The following GK variants were observed in gnomAD, a reference collection of about 807,000 sequenced individuals.
GK encodes glycerol kinase.
A neutral mutation model predicts 56.4 loss-of-function variants in GK; 9 were observed. The observed-to-expected ratio is 0.16, with a 90% CI of 0.10 to 0.28. The LOEUF is 0.28. Among genes scored for constraint, GK ranks in the 10% least tolerant of loss-of-function variants. GK has a pLI of 1.00. For missense variants in GK, 161 were observed against 431.4 expected (o/e 0.37, Z 5.55); for synonymous variants, 104 against 144.1 (o/e 0.72, Z 1.99).
At chrX:30,720,554 G>T (rs763495989) in intron 16 of GK, 67 bp from the exon 17 acceptor site, 1 of 1,003,591 alleles carries the variant, frequency 1.0e-6, no homozygotes, top group South Asian at 1.9e-5. Context: ...CTGAGTGGAG[G>T]ATTGCCATTT....
At position 30,697,742 on chromosome X, in the gene GK, A is replaced by G. The variant is rs369560582; in HGVS notation, c.740A>G (p.His247Arg). The G allele has an allele frequency of 1.1e-5, 13 of 1,162,108 alleles. No homozygotes were observed. Among genetic ancestry groups the G allele is most frequent in the Non-Finnish European group, 1.4e-5 (12 of 852,663 alleles). The change falls in exon 9 of 21, where the codon CAT becomes CGT. Residue 247 changes from histidine (H) to arginine (R), a missense_variant. By Grantham distance (29) the His-to-Arg change is conservative. Coordinates refer to ENST00000427190, the MANE Select transcript of GK (RefSeq NM_001205019.2). ...CCTTGCTGACTATAGAAAATCTCTC[A>G]TAGCGTGGTGAGTAGGTTGCCCGCC... ...SEIYGLMKISHSVKAGALEGV... is the reference protein window; with the variant it reads ...SEIYGLMKISRSVKAGALEGV...
At position 30,694,469 on chromosome X, in the gene GK, A is replaced by G. The variant is rs779022709; in HGVS notation, c.484A>G (p.Arg162Gly). 4 of 1,202,766 alleles carry G rather than the reference A, an allele frequency of 3.3e-6. No homozygotes were observed. Among genetic ancestry groups the G allele is most frequent in the Non-Finnish European group, 3.4e-6 (3 of 887,132 alleles). ...ACTTCGTTGGCTCCTTGACAATGTG[A>G]GAAAAGTTCAAAAGGCCGTTGAAGA... is the stretch of plus-strand genomic sequence containing the variant. ...VKLRWLLDNV[R>G]KVQKAVEEKR... The change falls in exon 6 of 21, where the codon AGA becomes GGA. Residue 162 changes from arginine to glycine, a missense_variant. Transcript: ENST00000427190.
At chrX:30,720,505 C>T (rs920900587) in intron 16 of GK, 116 bp from the exon 17 acceptor site, 1 of 698,798 alleles carries the variant, frequency 1.4e-6, no homozygotes, top group East Asian at 3.2e-5. Context: ...TAAGAAGTCT[C>T]AATTTATTCC....
intron 4 of GK, among the ~76,000 whole-genome samples, chrX:30,681,616 A>C (rs1256272126): frequency 8.9e-6 from 1 of 112,006 alleles, no homozygotes; most frequent in Admixed American, 9.5e-5. Context: ...TTCAATAAGC[A>C]CTATAATCCC....
At chrX:30,705,292 G>T (rs1253921463) in intron 11 of GK, among the ~76,000 whole-genome samples, 2 of 112,356 alleles carry the variant, frequency 1.8e-5, no homozygotes, top group Admixed American at 9.4e-5. Context: ...TCAGAGTGGG[G>T]GAAGAAATTA....
intron 15 of GK, among the ~76,000 whole-genome samples, 176 bp from the exon 16 acceptor site, chrX:30,719,835 C>T (rs1208779957): frequency 8.9e-6 from 1 of 112,039 alleles, no homozygotes; most frequent in African/African-American, 3.2e-5. Context: ...TGAATTTTTT[C>T]ATACATGAAT....
intron 11 of GK, among the ~76,000 whole-genome samples, chrX:30,704,052 T>G (rs1935841885): frequency 1.0e-5 from 1 of 100,282 alleles, no homozygotes; most frequent in Non-Finnish European, 2.0e-5. Flanking sequence ...AATATACAAG[T>G]AGAGGAGATA....
rs909023676 is a variant in GK, at chrX:30,700,405, T to C, written c.748-9T>C. 18 of 1,197,176 alleles carry C rather than the reference T, an allele frequency of 1.5e-5. No individual in the cohort carries two copies. In the Middle Eastern group the frequency reaches 6.9e-4, roughly 46 times the overall value. The stretch of plus-strand genomic sequence containing the variant: ...GACTATTCATAATCCTTTTTTTAAA[T>C]TTTATTAGAAAGCTGGGGCCTTGGA... On this transcript the variant is annotated splice_polypyrimidine_tract_variant and intron_variant, in intron 9 of 20. Transcript: ENST00000427190.
Position 30,723,981 on chromosome X carries a change from C to T in GK, c.1502-120C>T, listed in dbSNP as rs997358898. The T allele has an allele frequency of 3.0e-5, 16 of 530,653 alleles. No individual in the cohort carries two copies. The African/African-American group carries it at 3.2e-4, about 11-fold the overall frequency. The allele number at this position is 530,653 out of a possible 1,213,427, so 43.7% of individuals were successfully genotyped here. On this transcript the variant is annotated intron_variant, in intron 18 of 20. Transcript: ENST00000427190. ...TTCAAATCTGAGTCCTGCTAAAGCC[C>T]TACTGCAGTTTAATGTGTGCAATAA...
intron 13 of GK, among the ~76,000 whole-genome samples, chrX:30,712,866 AG>A (rs1936415166): frequency 9.3e-6 from 1 of 107,993 alleles, no homozygotes; most frequent in Non-Finnish European, 1.9e-5. Context: ...CTGGGACTAC[AG>A]ATGCCCACCA....
At chrX:30,662,858 TTTCTTTCTTTCTCTTTCTTTCTTTC>T (rs1458931509) in intron 1 of GK, among the ~76,000 whole-genome samples, 1 of 50,861 alleles carries the variant, frequency 2.0e-5, no homozygotes, top group African/African-American at 8.1e-5. Flanking sequence ...TCTTTCTTTC[TTTCTTTCTTTCTCTTTCTTTCTTTC>T]TTTCTTTCTT....
At chrX:30,723,969 C>G (rs1325650645) in intron 18 of GK, 132 bp from the exon 19 acceptor site, 1 of 508,608 alleles carries the variant, frequency 2.0e-6, no homozygotes, top group African/African-American at 2.3e-5. Context: ...AAATCTGAGT[C>G]CTGCTAAAGC....
intron 1 of GK, among the ~76,000 whole-genome samples, chrX:30,658,052 G>A (rs944682295): frequency 1.8e-4 from 20 of 111,715 alleles, no homozygotes; most frequent in Non-Finnish European, 3.4e-4. Flanking sequence ...TGTTTCAACC[G>A]ACAATACATA....
intron 5 of GK, among the ~76,000 whole-genome samples, chrX:30,692,033 G>T (rs1225258361): frequency 9.0e-6 from 1 of 111,278 alleles, no homozygotes; most frequent in East Asian, 2.8e-4. Context: ...CAAGGTCAAG[G>T]CCAAGTTCTT....
At chrX:30,715,030 T>C (rs923821324) in intron 13 of GK, among the ~76,000 whole-genome samples, 1 of 112,150 alleles carries the variant, frequency 8.9e-6, no homozygotes, top group African/African-American at 3.2e-5. Flanking sequence ...ACATTATAAA[T>C]CATATACGTA....
At chrX:30,661,145 A>G (rs1932735818) in intron 1 of GK, among the ~76,000 whole-genome samples, 1 of 111,683 alleles carries the variant, frequency 9.0e-6, no homozygotes, top group African/African-American at 3.3e-5. Flanking sequence ...GACCTAAAAT[A>G]GAAGCAACTG....
Position 30,694,487 on chromosome X carries a change from G to A in GK, c.502G>A (p.Val168Ile), listed in dbSNP as rs749862920. ...LDNVRKVQKAVEEKRALFGTI... is the reference protein window; with the variant it reads ...LDNVRKVQKAIEEKRALFGTI... ...CAATGTGAGAAAAGTTCAAAAGGCC[G>A]TTGAAGAAAAACGAGCTCTTTTTGG... The change falls in exon 6 of 21, where the codon GTT (valine) becomes ATT (isoleucine). Residue 168 changes from valine to isoleucine, a missense_variant. Transcript: ENST00000427190. The A allele has an allele frequency of 1.7e-6, 2 of 1,207,005 alleles. No homozygotes were observed. The highest frequency in any genetic ancestry group is 3.0e-5 in the East Asian group (1 of 33,844).
intron 3 of GK, 53 bp downstream of exon 3, chrX:30,668,171 ATTAAT>A (rs1933209920): frequency 7.4e-6 from 5 of 675,208 alleles, no homozygotes. Context: ...AATCAAATTC[ATTAAT>A]TTATTCTTTC....
intron 1 of GK, among the ~76,000 whole-genome samples, chrX:30,662,789 T>TC (rs1932807209): frequency 6.3e-5 from 6 of 94,507 alleles, no homozygotes; most frequent in Admixed American, 1.1e-4. Context: ...CTCTCTCTCT[T>TC]TCTTTCCTTC....
Sources: gnomAD v4.1 joint callset for allele counts (sites outside exome capture counted in the v4.1 genomes callset) on GRCh38, gnomAD v4.1.1 for gene constraint, MANE v1.5 for transcripts, NCBI Gene and HGNC (gene_info 2026-07-23, HGNC 2026-07-21) for gene names.